Variants in NPAS3 observed in about 807,000 individuals in gnomAD.
NPAS3 encodes neuronal PAS domain protein 3, also known as neuronal PAS domain-containing protein 3.
Under a neutral mutation model 73.1 loss-of-function variants are expected in NPAS3, and 14 were observed. The ratio of observed to expected loss-of-function variants is 0.19; its 90% CI spans 0.13 to 0.30. NPAS3 has a LOEUF of 0.30. Ranked by LOEUF, NPAS3 falls within the 10% of genes least tolerant of loss-of-function variation. NPAS3 has a pLI of 1.00. For synonymous variants in NPAS3, 620 were observed against 541.5 expected, an observed-to-expected ratio of 1.14 and a Z score of -2.01; for missense variants, 1,096 against 1,250.0, an observed-to-expected ratio of 0.88 and a Z score of 1.86.
chr14:33,049,371 T>C (rs1214455257), intron 1 of NPAS3, among the ~76,000 whole-genome samples: 1 of 152,176 alleles, frequency 6.6e-6, no homozygotes, highest in Non-Finnish European at 1.5e-5. Flanking sequence ...GATAAAGACA[T>C]ACCTGAGACT....
intron 2 of NPAS3, among the ~76,000 whole-genome samples, chr14:33,119,237 A>G (rs1289788169): frequency 1.4e-4 from 21 of 152,074 alleles, no homozygotes; most frequent in Non-Finnish European, 2.9e-5. Flanking sequence ...GCAAGCTTAA[A>G]TGAGTAGCTT....
intron 3 of NPAS3, among the ~76,000 whole-genome samples, chr14:33,348,448 C>T (rs970107182): frequency 2.0e-5 from 3 of 152,110 alleles, no homozygotes; most frequent in Non-Finnish European, 2.9e-5. Flanking sequence ...GTAATATCGA[C>T]GTAGCAAACC....
intron 5 of NPAS3, among the ~76,000 whole-genome samples, chr14:33,642,669 A>C (rs939372451): frequency 6.6e-6 from 1 of 152,190 alleles, no homozygotes; most frequent in Non-Finnish European, 1.5e-5. Flanking sequence ...GAAAAACTGC[A>C]TTGTGCCTGC....
intron 3 of NPAS3, among the ~76,000 whole-genome samples, chr14:33,254,275 A>G (rs1350063746): frequency 1.3e-5 from 2 of 151,874 alleles, no homozygotes; most frequent in African/African-American, 4.8e-5. Flanking sequence ...GTCTGTCCTA[A>G]ACTTATATCT....
At chr14:33,094,705 C>T (rs903729071) in intron 2 of NPAS3, among the ~76,000 whole-genome samples, 4 of 152,100 alleles carry the variant, frequency 2.6e-5, no homozygotes, top group Non-Finnish European at 5.9e-5. Flanking sequence ...ACCTGAAGTG[C>T]TCCACCTGCC....
intron 3 of NPAS3, among the ~76,000 whole-genome samples, chr14:33,241,626 C>A (rs961259715): frequency 6.6e-6 from 1 of 151,904 alleles, no homozygotes; most frequent in African/African-American, 2.4e-5. Flanking sequence ...GTCTAGTCTC[C>A]CTCTGTACGA....
At chr14:33,155,868 T>A (rs2044628378) in intron 2 of NPAS3, among the ~76,000 whole-genome samples, 1 of 152,224 alleles carries the variant, frequency 6.6e-6, no homozygotes, top group African/African-American at 2.4e-5. Context: ...TCTGCATTTT[T>A]AAATATTACC....
intron 4 of NPAS3, among the ~76,000 whole-genome samples, chr14:33,514,579 T>A (rs929681694): frequency 1.3e-5 from 2 of 152,034 alleles, no homozygotes; most frequent in Admixed American, 6.6e-5. Flanking sequence ...TCTTATCTAA[T>A]CTCGTCAAGA....
intron 2 of NPAS3, among the ~76,000 whole-genome samples, chr14:33,175,971 G>A (rs2045575640): frequency 6.6e-6 from 1 of 152,050 alleles, no homozygotes; most frequent in Admixed American, 6.5e-5. Flanking sequence ...ATTTAAAAAT[G>A]CTTGCTATCA....
chr14:33,560,032 T>G, intron 4 of NPAS3, 89 bp from the exon 5 acceptor site: 1 of 573,768 alleles, frequency 1.7e-6, no homozygotes, highest in Non-Finnish European at 3.1e-6. Flanking sequence ...AAAAATTCAA[T>G]GTATTGCTTT....
At chr14:33,040,845 C>G (rs970350665) in intron 1 of NPAS3, among the ~76,000 whole-genome samples, 3 of 152,156 alleles carry the variant, frequency 2.0e-5, no homozygotes, top group African/African-American at 7.2e-5. Flanking sequence ...AATAATAACC[C>G]TTCACATTTG....
intron 2 of NPAS3, among the ~76,000 whole-genome samples, chr14:33,092,484 G>A (rs2042261486): frequency 1.3e-5 from 2 of 152,146 alleles, no homozygotes; most frequent in Non-Finnish European, 2.9e-5. Context: ...CAAACAAATG[G>A]AAGAACATTC....
At chr14:33,587,770 C>T (rs1489416982) in intron 5 of NPAS3, among the ~76,000 whole-genome samples, 6 of 152,204 alleles carry the variant, frequency 3.9e-5, no homozygotes, top group Non-Finnish European at 8.8e-5. Flanking sequence ...GGTTGGATCA[C>T]TTTAATCTTG....
chr14:33,106,295 T>A (rs144552474), intron 2 of NPAS3, among the ~76,000 whole-genome samples: 38 of 152,304 alleles, frequency 2.5e-4, no homozygotes, highest in African/African-American at 9.1e-4. Context: ...AGTTTATGGA[T>A]TAACTCTCAG....
intron 2 of NPAS3, among the ~76,000 whole-genome samples, chr14:33,097,293 A>G (rs535872566): frequency 3.3e-5 from 5 of 152,280 alleles, no homozygotes; most frequent in South Asian, 2.1e-4. Context: ...TGAACTTCCT[A>G]TAATAGAATC....
At chr14:33,026,625 T>A (rs2039812721) in intron 1 of NPAS3, among the ~76,000 whole-genome samples, 1 of 152,090 alleles carries the variant, frequency 6.6e-6, no homozygotes, top group South Asian at 2.1e-4. Context: ...AGATCTATAA[T>A]CTTTCCTGTC....
chr14:33,742,968 C>G (rs1407618600), intron 7 of NPAS3, among the ~76,000 whole-genome samples: 1 of 152,158 alleles, frequency 6.6e-6, no homozygotes, highest in Non-Finnish European at 1.5e-5. Flanking sequence ...CATCCTCAAG[C>G]TCTACTTCTG....
At chr14:33,380,667 A>G (rs888205737) in intron 4 of NPAS3, among the ~76,000 whole-genome samples, 1 of 152,184 alleles carries the variant, frequency 6.6e-6, no homozygotes, top group Admixed American at 6.5e-5. Flanking sequence ...TTTGGGAAAA[A>G]TAAACATTTG....
exon 8 of NPAS3, chr14:33,774,346 A>C (rs145525562): frequency 6.2e-7 from 1 of 1,613,510 alleles, no homozygotes; most frequent in African/African-American, 1.3e-5. Flanking sequence ...GGTGATTCAC[A>C]TAACAGGCCG....
Sources: gnomAD v4.1 joint callset for allele counts (sites outside exome capture counted in the v4.1 genomes callset) on GRCh38, gnomAD v4.1.1 for gene constraint, MANE v1.5 for transcripts, NCBI Gene and HGNC (gene_info 2026-07-23, HGNC 2026-07-21) for gene names.